MX1: variants seen among roughly 807,000 people sequenced by gnomAD.
MX1 encodes the protein interferon-induced GTP-binding protein Mx1.
In MX1, 66 loss-of-function variants were observed where a neutral mutation model predicts 66.4. That is an observed-to-expected ratio of 0.99 (90% CI 0.82 to 1.22). The LOEUF is 1.22. MX1 is among the 50% of genes most tolerant of loss of function. MX1 has a pLI of 0.00. For synonymous variants in MX1, 311 were observed against 318.1 expected (o/e 0.98, Z 0.24); for missense variants, 787 against 834.3 (o/e 0.94, Z 0.70).
intron 8 of MX1, among the ~76,000 whole-genome samples, chr21:41,440,377 AC>A (rs1419356378): frequency 1.3e-5 from 2 of 152,266 alleles, no homozygotes; most frequent in South Asian, 2.1e-4. Context: ...GGTGGCGTGC[AC>A]CTGTCAGCTA....
chr21:41,444,099 G>T (rs1442066061), intron 11 of MX1, among the ~76,000 whole-genome samples: 1 of 152,088 alleles, frequency 6.6e-6, no homozygotes, highest in Non-Finnish European at 1.5e-5. Context: ...AATGCTGATA[G>T]ACTATATCTA....
At chr21:41,432,264 C>A in intron 5 of MX1, 89 bp downstream of exon 5, 1 of 1,142,900 alleles carries the variant, frequency 8.7e-7, no homozygotes, top group Non-Finnish European at 1.3e-6. Context: ...TACTGCTGCC[C>A]AGATATGCCT....
intron 13 of MX1, 139 bp from the exon 14 acceptor site, chr21:41,448,998 G>T: frequency 4.6e-5 from 25 of 539,248 alleles, no homozygotes; most frequent in East Asian, 7.5e-5. Context: ...GATATTTTTA[G>T]TTTACCAGTT....
chr21:41,457,540 G>T (rs1299919351), intron 16 of MX1, among the ~76,000 whole-genome samples: 2 of 152,088 alleles, frequency 1.3e-5, no homozygotes, highest in Non-Finnish European at 2.9e-5. Context: ...ATCCTGGAAG[G>T]GTCGTCTAGT....
chr21:41,421,982 T>C (rs2089998483), upstream of MX1: 1 of 152,268 alleles, frequency 6.6e-6, no homozygotes, highest in Admixed American at 6.5e-5. Flanking sequence ...CAGAACCCTG[T>C]TGTCAGAGGT....
Position 41,441,224 on chromosome 21 carries a change from G to GAGGCA in MX1, c.730+199_730+200insAGGCA. On this transcript the variant is annotated intron_variant, in intron 9 of 16. Transcript: ENST00000398598. This position sits in a 1 kb window ranked among gnomAD's most constrained non-coding sequence, Gnocchi z 4.0. ...CAGTCTCCATGGGCTTTGCTCAGTG[G>GAGGCA]GGACCTGCCTCCACTAAGACCTGCT... The GAGGCA allele has an allele frequency of 1.3e-6, 1 of 757,808 alleles. No individual in the cohort carries two copies. The highest frequency in any genetic ancestry group is 2.0e-6 in the Non-Finnish European group (1 of 490,650). The allele number at this position is 757,808 out of a possible 1,614,324, so 46.9% of individuals were successfully genotyped here.
Position 41,441,599 on chromosome 21 carries a change from C to T in MX1, c.731-117C>T. 1.9e-6 allele frequency: 2 copies of T among 1,049,574 alleles called. No homozygotes were observed. 65.0% of individuals were successfully genotyped at this position (1,049,574 alleles called of 1,614,324 possible). A position where few individuals can be genotyped will look rare whatever the true frequency, so the allele number is the denominator to read the frequency against. On this transcript the variant is annotated intron_variant, in intron 9 of 16. Coordinates refer to ENST00000398598, the MANE Select transcript of MX1 (RefSeq NM_002462.5). The surrounding 1 kb of genome is among the most constrained non-coding windows in gnomAD (Gnocchi z 4.0). ...CCCCATGGTTCTGCAGGGGCTATGG[C>T]CTGTCCTCAAGCAAGGATGGGAGGA...
chr21:41,458,594 G>A lies in MX1; in HGVS notation c.1825G>A (p.Gly609Ser), dbSNP rs752099748. The A allele has an allele frequency of 3.5e-5, 57 of 1,609,664 alleles. 1 individual carries two copies. The highest frequency in any genetic ancestry group is 3.2e-4 in the Admixed American group (19 of 59,496). ...IIQFFMLQTY[G>S]QQLQKAMLQL... ...CCAGTTCTTCATGCTCCAGACGTAC[G>A]GCCAGCAGCTTCAGAAGGCCATGCT... The change falls in exon 17 of 17, where the codon GGC becomes AGC. Residue 609 changes from glycine (G) to serine (S), a missense_variant. Gly to Ser is a moderately conservative substitution (Grantham distance 56). Transcript: ENST00000398598.
At chr21:41,432,930 AC>A (rs2090261500) in intron 5 of MX1, among the ~76,000 whole-genome samples, 2 of 152,248 alleles carry the variant, frequency 1.3e-5, no homozygotes, top group South Asian at 4.1e-4. Context: ...CCTTTCCACC[AC>A]CCTGATACCA....
chr21:41,432,086 G>A lies in MX1; in HGVS notation c.16G>A (p.Val6Met). The change falls in exon 5 of 17, where the codon GTG becomes ATG. Residue 6 changes from valine to methionine, a missense_variant. Coordinates refer to ENST00000398598, the MANE Select transcript of MX1 (RefSeq NM_002462.5). The part of the protein sequence containing the change: MVVSE[V>M]DIAKADPAAA... ...AAGAAGGAAGATGGTTGTTTCCGAA[G>A]TGGACATCGCAAAAGCTGATCCAGC... 3.1e-6 allele frequency: 5 copies of A among 1,614,104 alleles called. No individual in the cohort carries two copies. In the Admixed American group the frequency reaches 5.0e-5, roughly 16 times the overall value.
At chr21:41,452,479 C>T (rs1601537078) in intron 15 of MX1, 142 bp from the exon 16 acceptor site, 13 of 889,890 alleles carry the variant, frequency 1.5e-5, no homozygotes, top group East Asian at 1.0e-4. Flanking sequence ...TACACCAGGG[C>T]GCGGCCCAGA....
At chr21:41,447,664 G>C (rs1287544317) in intron 13 of MX1, among the ~76,000 whole-genome samples, 1 of 152,142 alleles carries the variant, frequency 6.6e-6, no homozygotes, top group Admixed American at 6.5e-5. Context: ...TGGATGTGGG[G>C]TTTGGGAGTT....
chr21:41,438,116 C>T (rs1226990563), intron 7 of MX1, among the ~76,000 whole-genome samples: 4 of 152,188 alleles, frequency 2.6e-5, no homozygotes, highest in Admixed American at 2.6e-4. Context: ...TGGGAAGGTA[C>T]TGAAGAGACA....
At chr21:41,433,880 A>AC (rs2090290531) in intron 5 of MX1, among the ~76,000 whole-genome samples, 1 of 152,220 alleles carries the variant, frequency 6.6e-6, no homozygotes, top group Admixed American at 6.5e-5. Flanking sequence ...GTGAACTAAG[A>AC]CCGAGGCTAC....
At chr21:41,455,168 C>T (rs1056852974) in intron 16 of MX1, among the ~76,000 whole-genome samples, 1 of 152,136 alleles carries the variant, frequency 6.6e-6, no homozygotes, top group Non-Finnish European at 1.5e-5. Context: ...CCTCGGCCTC[C>T]CAAAGTGCTG....
intron 3 of MX1, chr21:41,428,660 T>C (rs934481053): frequency 1.3e-5 from 2 of 152,292 alleles, no homozygotes; most frequent in African/African-American, 4.8e-5. Context: ...CTGGGGTCTC[T>C]GGTGGCATTG....
At chr21:41,458,260 C>T (rs2091002888) in intron 16 of MX1, among the ~76,000 whole-genome samples, 1 of 152,176 alleles carries the variant, frequency 6.6e-6, no homozygotes, top group Admixed American at 6.5e-5. Context: ...GCATATTTTG[C>T]CCTCTTCCAT....
intron 7 of MX1, 71 bp downstream of exon 7, chr21:41,437,223 A>C: frequency 6.4e-7 from 1 of 1,552,884 alleles, no homozygotes; most frequent in Admixed American, 1.7e-5. Context: ...AACTGTTCAT[A>C]CTCCCACCTC....
rs73905365 is a variant in MX1 at position 41,442,043 on chromosome 21, G to A, written c.929+129G>A. 9,371 of 792,212 alleles carry A rather than the reference G, an allele frequency of 0.012. 434 individuals carry two copies. Among genetic ancestry groups the A allele is most frequent in the African/African-American group, 0.12 (6,922 of 59,042 alleles). 49.1% of individuals were successfully genotyped at this position (792,212 alleles called of 1,614,324 possible). A position where few individuals can be genotyped will look rare whatever the true frequency, so the allele number is the denominator to read the frequency against. ...TGTGTGTGCGTGTGTGTGTGTGCGC[G>A]TGTGTGTGTGACTATGCTTGTTCCC... On this transcript the variant is annotated intron_variant, in intron 10 of 16. Transcript: ENST00000398598.
Sources: gnomAD v4.1 joint callset for allele counts (sites outside exome capture counted in the v4.1 genomes callset) on GRCh38, gnomAD v4.1.1 for gene constraint, Gnocchi (gnomAD v3.1) non-coding constraint, MANE v1.5 for transcripts, NCBI Gene and HGNC (gene_info 2026-07-23, HGNC 2026-07-21) for gene names.